Variants in PIK3R3 observed in about 807,000 individuals in gnomAD.
The protein encoded by PIK3R3 is phosphatidylinositol 3-kinase regulatory subunit gamma.
A neutral mutation model predicts 62.9 loss-of-function variants in PIK3R3; 64 were observed. The ratio of observed to expected loss-of-function variants is 1.02; its 90% CI spans 0.83 to 1.25. The LOEUF is 1.25. PIK3R3 is among the 50% of genes most tolerant of loss of function. The pLI, the probability that PIK3R3 is intolerant of heterozygous loss-of-function variation, is 0.00. For synonymous variants in PIK3R3, 165 were observed against 189.0 expected, an observed-to-expected ratio of 0.87 and a Z score of 1.04; for missense variants, 614 against 561.6, an observed-to-expected ratio of 1.09 and a Z score of -0.94.
At chr1:46,093,617 T>C (rs1429162007) in intron 1 of PIK3R3, among the ~76,000 whole-genome samples, 3 of 151,992 alleles carry the variant, frequency 2.0e-5, no homozygotes, top group Non-Finnish European at 4.4e-5. Flanking sequence ...CAGCCAAGTG[T>C]GGTGGCTCAT....
the PIK3R3 span, among the ~76,000 whole-genome samples, chr1:46,173,928 G>A: frequency 6.6e-6 from 1 of 152,118 alleles, no homozygotes; most frequent in African/African-American, 2.4e-5. Context: ...AGGGCCGCAG[G>A]GGCAGGGAAG....
At chr1:46,121,039 G>A (rs1171808099) in intron 1 of PIK3R3, among the ~76,000 whole-genome samples, 1 of 152,192 alleles carries the variant, frequency 6.6e-6, no homozygotes, top group Non-Finnish European at 1.5e-5. Flanking sequence ...TGAGGATGAA[G>A]CCAGTCCCAA....
chr1:46,100,244 C>T (rs143113136), intron 1 of PIK3R3, among the ~76,000 whole-genome samples: 2 of 152,282 alleles, frequency 1.3e-5, no homozygotes, highest in African/African-American at 4.8e-5. Context: ...ATCATAAAAA[C>T]ATTCTCCCAC....
At chr1:46,131,612 T>TTC in intron 1 of PIK3R3, 1 of 300,858 alleles carries the variant, frequency 3.3e-6, no homozygotes. Flanking sequence ...GGGTCTCTCC[T>TTC]CCCACCCCCA....
intron 1 of PIK3R3, among the ~76,000 whole-genome samples, chr1:46,096,871 AG>A (rs1652185965): frequency 6.6e-6 from 1 of 151,586 alleles, no homozygotes; most frequent in Non-Finnish European, 1.5e-5. Flanking sequence ...AAAAAAGAAG[AG>A]GAAGTCAATA....
chr1:46,073,686 C>A (rs865848350), intron 3 of PIK3R3, among the ~76,000 whole-genome samples: 1 of 151,980 alleles, frequency 6.6e-6, no homozygotes, highest in East Asian at 1.9e-4. Context: ...GTGGCGCGAT[C>A]TTGGCTCACT....
In PIK3R3 at chr1:46,043,489, T is replaced by C; in HGVS notation, c.*184A>G. On this transcript the variant is annotated 3_prime_UTR_variant, in exon 10 of 10. Transcript: ENST00000262741. ...TCAGTGCAGCGGCATGGCTGAGTCCTAGAGAACCTCAGGCCTCTAATGCCC... is the reference window on the plus strand; with the variant it reads ...TCAGTGCAGCGGCATGGCTGAGTCCCAGAGAACCTCAGGCCTCTAATGCCC... The C allele has an allele frequency of 1.7e-6, 1 of 595,990 alleles. No homozygotes were observed. Among genetic ancestry groups the C allele is most frequent in the Non-Finnish European group, 3.0e-6 (1 of 333,788 alleles). The allele number at this position is 595,990 out of a possible 1,614,324, so 36.9% of individuals were successfully genotyped here. A position where few individuals can be genotyped will look rare whatever the true frequency, so the allele number is the denominator to read the frequency against.
intron 1 of PIK3R3, among the ~76,000 whole-genome samples, chr1:46,089,528 A>G (rs548412093): frequency 2.8e-4 from 42 of 152,230 alleles, no homozygotes; most frequent in African/African-American, 9.1e-4. Context: ...ATCCTGGCTA[A>G]CACAGTGAAA....
intron 7 of PIK3R3, among the ~76,000 whole-genome samples, chr1:46,051,416 A>G (rs1217765809): frequency 6.6e-6 from 1 of 152,046 alleles, no homozygotes; most frequent in Non-Finnish European, 1.5e-5. Context: ...ATGCGCCACC[A>G]TGCCTGACTA....
intron 7 of PIK3R3, among the ~76,000 whole-genome samples, chr1:46,053,463 G>A (rs1647562810): frequency 6.6e-6 from 1 of 152,100 alleles, no homozygotes; most frequent in Admixed American, 6.6e-5. Flanking sequence ...TCAAGGTGAC[G>A]GTATTAGGAG....
At chr1:46,085,144 G>A (rs1650943694) in intron 1 of PIK3R3, among the ~76,000 whole-genome samples, 1 of 152,194 alleles carries the variant, frequency 6.6e-6, no homozygotes, top group African/African-American at 2.4e-5. Flanking sequence ...CTACAGAAAT[G>A]TAAGAAGAAT....
chr1:46,140,184 G>A, the PIK3R3 span, among the ~76,000 whole-genome samples: 107 of 152,242 alleles, frequency 7.0e-4, no homozygotes, highest in South Asian at 0.022. Context: ...TGTAGAGACA[G>A]GGTCTCCCTA....
Position 46,077,193 on chromosome 1 carries a change from A to G in PIK3R3, c.314+322T>C, listed in dbSNP as rs563405361. On this transcript the variant is annotated intron_variant, in intron 3 of 9. Transcript: ENST00000262741. ...GGAAGATAATAGGGTTATTCAAAGG[A>G]TAGATTCATTTTTACCCTTAGAATA... is the stretch of plus-strand genomic sequence containing the variant. Among the ~76,000 whole-genome samples, 3 of 152,282 alleles carry G rather than the reference A, an allele frequency of 2.0e-5. No homozygotes were observed. The South Asian group carries it at 6.2e-4, about 32-fold the overall frequency.
chr1:46,135,704 G>T (rs1251472930), upstream of PIK3R3, among the ~76,000 whole-genome samples: 1 of 152,100 alleles, frequency 6.6e-6, no homozygotes, highest in African/African-American at 2.4e-5. Context: ...GTGATTAAAG[G>T]TGCCATCTGA....
In PIK3R3 at chr1:46,110,600, C is replaced by G. The variant is rs76962628; in HGVS notation, c.106+21247G>C. ...TAGTGATTATAGTTTAGTTGTTGAA[C>G]CCTATCTTTGTACTCAAAGACTATG... On this transcript the variant is annotated intron_variant, in intron 1 of 9. Transcript: ENST00000262741. 6.1e-3 allele frequency among the ~76,000 whole-genome samples: 923 copies of G among 152,182 alleles called. 9 individuals are homozygous for G. The highest frequency in any genetic ancestry group is 0.021 in the African/African-American group (887 of 41,520).
rs1411691746 is a variant in PIK3R3 at position 46,046,108 on chromosome 1, AT to A, written c.1017-21del. 1 of 1,388,944 alleles carries A rather than the reference AT, an allele frequency of 7.2e-7. No homozygotes were observed. Among genetic ancestry groups the A allele is most frequent in the Non-Finnish European group, 1.0e-6 (1 of 996,148 alleles). The allele number at this position is 1,388,944 out of a possible 1,614,324, so 86.0% of individuals were successfully genotyped here. A position where few individuals can be genotyped will look rare whatever the true frequency, so the allele number is the denominator to read the frequency against. ...TAGTTCCTAAAAATTAAATATTAGT[AT>A]ATTATTCTAACAAGTTACTTCTATC... On this transcript the variant is annotated intron_variant, in intron 8 of 9. Coordinates refer to ENST00000262741, the MANE Select transcript of PIK3R3 (RefSeq NM_003629.4).
chr1:46,104,925 CAAAAAAAA>C (rs757829828), intron 1 of PIK3R3: 66 of 195,706 alleles, frequency 3.4e-4, no homozygotes, highest in Middle Eastern at 1.7e-3. Context: ...AAGACTCCAT[CAAAAAAAA>C]AAAAAAAAAA....
At chr1:46,149,945 T>G in the PIK3R3 span, among the ~76,000 whole-genome samples, 2 of 152,176 alleles carry the variant, frequency 1.3e-5, no homozygotes, top group African/African-American at 4.8e-5. Context: ...GTATACTCAG[T>G]CAAGCAGCAC....
chr1:46,155,487 C>A, the PIK3R3 span, among the ~76,000 whole-genome samples: 1 of 151,650 alleles, frequency 6.6e-6, no homozygotes, highest in East Asian at 1.9e-4. Context: ...CACTCTGTCA[C>A]CCAGGCTGGA....
Sources: gnomAD v4.1 joint callset for allele counts (sites outside exome capture counted in the v4.1 genomes callset) on GRCh38, gnomAD v4.1.1 for gene constraint, MANE v1.5 for transcripts, NCBI Gene and HGNC (gene_info 2026-07-23, HGNC 2026-07-21) for gene names.